Variants in PARVA observed in about 807,000 individuals in gnomAD.
PARVA encodes the protein alpha-parvin.
PARVA carries 25 observed loss-of-function variants against 52.6 expected under a neutral mutation model. The ratio of observed to expected loss-of-function variants is 0.48; its 90% CI spans 0.35 to 0.66. PARVA has a LOEUF of 0.66. PARVA is among the 30% of genes least tolerant of loss of function. PARVA has a pLI of 0.01. For synonymous variants in PARVA, 185 were observed against 179.1 expected (o/e 1.03, Z -0.26); for missense variants, 373 against 450.9 (o/e 0.83, Z 1.56).
intron 12 of PARVA, among the ~76,000 whole-genome samples, chr11:12,521,424 A>G (rs767839399): frequency 2.0e-5 from 3 of 152,206 alleles, no homozygotes; most frequent in Non-Finnish European, 4.4e-5. Context: ...AATTGCTAGA[A>G]CCATTTTATT....
At chr11:12,474,935 C>T (rs1940988008) in intron 3 of PARVA, among the ~76,000 whole-genome samples, 1 of 149,624 alleles carries the variant, frequency 6.7e-6, no homozygotes, top group South Asian at 2.1e-4. Context: ...CACTGCACTC[C>T]AGCCTGACCC....
intron 1 of PARVA, among the ~76,000 whole-genome samples, chr11:12,435,983 C>T (rs1282793042): frequency 2.0e-5 from 3 of 152,026 alleles, no homozygotes; most frequent in Non-Finnish European, 4.4e-5. Flanking sequence ...CCACCACACA[C>T]AGCTAATTTT....
At chr11:12,449,829 G>C (rs1940600013) in intron 1 of PARVA, among the ~76,000 whole-genome samples, 1 of 152,184 alleles carries the variant, frequency 6.6e-6, no homozygotes, top group African/African-American at 2.4e-5. Context: ...GGATTATCCT[G>C]TCCAAAGATC....
At chr11:12,520,090 C>G (rs909521083) in intron 12 of PARVA, among the ~76,000 whole-genome samples, 2 of 152,194 alleles carry the variant, frequency 1.3e-5, no homozygotes, top group African/African-American at 4.8e-5. Context: ...TCCCTTGGGA[C>G]AGATAATTTT....
chr11:12,510,511 G>A (rs1941491022), intron 7 of PARVA, among the ~76,000 whole-genome samples: 1 of 152,196 alleles, frequency 6.6e-6, no homozygotes, highest in Non-Finnish European at 1.5e-5. Flanking sequence ...CTTGCCCAAA[G>A]TCACTGTATG....
intron 3 of PARVA, among the ~76,000 whole-genome samples, chr11:12,477,616 A>G (rs1941032369): frequency 6.6e-6 from 1 of 152,048 alleles, no homozygotes; most frequent in East Asian, 1.9e-4. Flanking sequence ...GGCACAATGG[A>G]ACACTCCCAT....
chr11:12,470,580 A>C (rs1429454185), intron 1 of PARVA, among the ~76,000 whole-genome samples: 1 of 152,192 alleles, frequency 6.6e-6, no homozygotes, highest in African/African-American at 2.4e-5. Context: ...AATAGTGAAC[A>C]AAAGAGAAAT....
intron 4 of PARVA, among the ~76,000 whole-genome samples, chr11:12,490,129 T>G (rs1445987105): frequency 6.8e-6 from 1 of 148,102 alleles, no homozygotes. Flanking sequence ...GGCAGGAGAA[T>G]GGCGTGAACC....
Position 12,472,503 on chromosome 11 carries a change from C to T in PARVA, c.137-1242C>T, listed in dbSNP as rs193116684. On this transcript the variant is annotated intron_variant, in intron 1 of 12. Coordinates refer to ENST00000334956, the MANE Select transcript of PARVA (RefSeq NM_018222.5). ...CTGCAAAGGTACTAAATACCAGCCT[C>T]GCCATGCAAGTTGTGTCTCTTAGGG... 4.6e-5 allele frequency among the ~76,000 whole-genome samples: 7 copies of T among 152,222 alleles called. No homozygotes were observed. In the East Asian group the frequency reaches 5.8e-4, roughly 13 times the overall value.
chr11:12,502,033 T>C (rs750885468), intron 5 of PARVA, among the ~76,000 whole-genome samples: 33 of 152,230 alleles, frequency 2.2e-4, no homozygotes, highest in Admixed American at 9.2e-4. Flanking sequence ...TTGCCTCTGA[T>C]GGTGACCACA....
chr11:12,474,108 C>CA, intron 3 of PARVA, 125 bp downstream of exon 3: 1 of 743,248 alleles, frequency 1.3e-6, no homozygotes, highest in Non-Finnish European at 2.3e-6. Flanking sequence ...CAGCCCCTGC[C>CA]TCAGGCAGTG....
intron 1 of PARVA, among the ~76,000 whole-genome samples, chr11:12,459,023 T>C (rs543664029): frequency 3.3e-5 from 5 of 152,312 alleles, no homozygotes; most frequent in African/African-American, 1.2e-4. Context: ...AACTAAGACA[T>C]TGGAGAAAGG....
chr11:12,391,273 A>G (rs1427944732), intron 1 of PARVA, among the ~76,000 whole-genome samples: 2 of 152,120 alleles, frequency 1.3e-5, no homozygotes, highest in African/African-American at 4.8e-5. Flanking sequence ...GTGGAGATCA[A>G]AGTTCGGAAT....
intron 1 of PARVA, among the ~76,000 whole-genome samples, chr11:12,468,135 C>T (rs2135030442): frequency 6.6e-6 from 1 of 152,332 alleles, no homozygotes; most frequent in African/African-American, 2.4e-5. Context: ...TAGCCTTGTT[C>T]TACATGAGCC....
chr11:12,459,595 C>T (rs1336004528), intron 1 of PARVA, among the ~76,000 whole-genome samples: 1 of 152,130 alleles, frequency 6.6e-6, no homozygotes, highest in African/African-American at 2.4e-5. Flanking sequence ...TGGAAACTAC[C>T]TAAACGTTCA....
intron 4 of PARVA, among the ~76,000 whole-genome samples, chr11:12,495,906 G>A (rs1215661993): frequency 1.3e-5 from 2 of 152,198 alleles, no homozygotes; most frequent in African/African-American, 4.8e-5. Context: ...ATTGTAGGAT[G>A]CCAGTAAAAC....
intron 1 of PARVA, among the ~76,000 whole-genome samples, chr11:12,455,276 TCA>T (rs1491353442): frequency 6.6e-6 from 1 of 152,240 alleles, no homozygotes; most frequent in Non-Finnish European, 1.5e-5. Flanking sequence ...GGTAATACTC[TCA>T]TTCATTAAAC....
intron 4 of PARVA, among the ~76,000 whole-genome samples, chr11:12,490,168 A>T (rs1941215598): frequency 6.7e-6 from 1 of 148,952 alleles, no homozygotes; most frequent in Admixed American, 6.8e-5. Context: ...GTGAGCCGAG[A>T]TCGTGCCACT....
At chr11:12,431,415 GCTGTGGGACCCATCTGA>G (rs1940314938) in intron 1 of PARVA, among the ~76,000 whole-genome samples, 1 of 152,218 alleles carries the variant, frequency 6.6e-6, no homozygotes, top group Admixed American at 6.5e-5. Flanking sequence ...CCACCACGTG[GCTGTGGGACCCATCTGA>G]TTTTTGGTTT....
Sources: allele counts gnomAD v4.1 joint callset (sites outside exome capture counted in the v4.1 genomes callset), GRCh38; gene constraint gnomAD v4.1.1; transcripts MANE v1.5; gene names NCBI Gene and HGNC (gene_info 2026-07-23, HGNC 2026-07-21).